Variants in ZCWPW2 observed in about 807,000 individuals in gnomAD.
ZCWPW2 encodes the protein zinc finger CW-type PWWP domain protein 2.
ZCWPW2 carries 45 observed loss-of-function variants against 46.6 expected under a neutral mutation model. The observed-to-expected ratio is 0.96, with a 90% CI of 0.76 to 1.24. The LOEUF (loss-of-function observed/expected upper bound fraction) is 1.24. Among genes scored for constraint, ZCWPW2 ranks in the 50% most tolerant of loss-of-function variants. ZCWPW2 has a pLI of 0.00. For missense variants in ZCWPW2, 429 were observed against 403.9 expected (o/e 1.06, Z -0.53); for synonymous variants, 152 against 137.1 (o/e 1.11, Z -0.76).
chr3:28,466,235 C>T lies in ZCWPW2; in HGVS notation c.493-12579C>T, dbSNP rs1256172918. ...GATAGAAAAACTACCTATTGGGTAC[C>T]GTGCTCATTGCCTGGGTGATGAAAT... On this transcript the variant is annotated intron_variant, in intron 4 of 9. Coordinates refer to ENST00000383768, the MANE Select transcript of ZCWPW2 (RefSeq NM_001040432.4). 3.9e-5 allele frequency among the ~76,000 whole-genome samples: 6 copies of T among 152,104 alleles called. No homozygotes were observed. In the East Asian group the frequency reaches 5.8e-4, roughly 15 times the overall value.
chr3:28,348,964 G>C lies in ZCWPW2; in HGVS notation c.-373G>C. On this transcript the variant is annotated 5_prime_UTR_variant, in exon 1 of 10. Transcript: ENST00000383768. ...AGCACTCCGGAAAGTGATTGGAAGTGTGGATGAGCTCTCAGCCGGAAAAGG... is the reference window on the plus strand; with the variant it reads ...AGCACTCCGGAAAGTGATTGGAAGTCTGGATGAGCTCTCAGCCGGAAAAGG... The C allele has an allele frequency of 2.0e-6, 2 of 985,722 alleles. No individual in the cohort carries two copies. The highest frequency in any genetic ancestry group is 2.4e-6 in the Non-Finnish European group (2 of 830,160). 61.1% of individuals were successfully genotyped at this position (985,722 alleles called of 1,614,324 possible). A position where few individuals can be genotyped will look rare whatever the true frequency, so the allele number is the denominator to read the frequency against.
chr3:28,469,724 G>GAC (rs1020376927), intron 4 of ZCWPW2, among the ~76,000 whole-genome samples: 1 of 150,794 alleles, frequency 6.6e-6, no homozygotes, highest in Non-Finnish European at 1.5e-5. Flanking sequence ...ATATATATAT[G>GAC]ATATATATAT....
intron 1 of ZCWPW2, among the ~76,000 whole-genome samples, chr3:28,381,497 A>T (rs1220037275): frequency 6.6e-6 from 1 of 152,108 alleles, no homozygotes; most frequent in Non-Finnish European, 1.5e-5. Flanking sequence ...GGGATGATGA[A>T]GGTGGAAGAA....
chr3:28,426,776 G>A (rs1183880160), intron 3 of ZCWPW2, among the ~76,000 whole-genome samples: 1 of 152,052 alleles, frequency 6.6e-6, no homozygotes, highest in Non-Finnish European at 1.5e-5. Flanking sequence ...CAACAGTTTA[G>A]GGAAAAGCCC....
chr3:28,401,161 G>A (rs1411443820), intron 2 of ZCWPW2, among the ~76,000 whole-genome samples: 1 of 150,356 alleles, frequency 6.7e-6, no homozygotes, highest in Non-Finnish European at 1.5e-5. Context: ...CCTGGGCGAC[G>A]AGCAAGACTC....
chr3:28,349,587 C>A (rs1704454413), intron 1 of ZCWPW2, among the ~76,000 whole-genome samples: 1 of 152,164 alleles, frequency 6.6e-6, no homozygotes. Context: ...CCCGGCTTCC[C>A]TGGAGTTGCC....
chr3:28,521,048 C>T lies in ZCWPW2; in HGVS notation c.841C>T (p.Leu281=), dbSNP rs769597667. ...GCTGGAGCAAATGCTGCAGCAAGCA[C>T]TGCAACCCACAGCCACACCTGATGA... ...KELEQMLQQA[L]QPTATPDESE... The change falls in exon 9 of 10, where the codon CTG becomes TTG. Residue 281 remains leucine (L), a synonymous_variant. Coordinates refer to ENST00000383768, the MANE Select transcript of ZCWPW2 (RefSeq NM_001040432.4). 1.6e-5 allele frequency: 26 copies of T among 1,612,600 alleles called. No individual in the cohort carries two copies. Among genetic ancestry groups the T allele is most frequent in the Non-Finnish European group, 1.9e-5 (23 of 1,179,612 alleles).
At chr3:28,454,509 C>G (rs1236990768) in intron 4 of ZCWPW2, among the ~76,000 whole-genome samples, 1 of 152,096 alleles carries the variant, frequency 6.6e-6, no homozygotes, top group Non-Finnish European at 1.5e-5. Flanking sequence ...CAGGGGTACA[C>G]GTGTAGGATG....
chr3:28,356,065 A>G (rs978380485), intron 1 of ZCWPW2, among the ~76,000 whole-genome samples: 4 of 152,222 alleles, frequency 2.6e-5, no homozygotes, highest in African/African-American at 9.6e-5. Context: ...AATGGGAGAA[A>G]CCTACAGAAT....
intron 3 of ZCWPW2, among the ~76,000 whole-genome samples, chr3:28,430,851 G>T (rs979315274): frequency 4.6e-5 from 7 of 152,128 alleles, no homozygotes; most frequent in African/African-American, 1.7e-4. Flanking sequence ...GGACATGTTT[G>T]CTACCCCTTC....
chr3:28,468,964 T>G (rs1054258973), intron 4 of ZCWPW2, among the ~76,000 whole-genome samples: 10 of 152,086 alleles, frequency 6.6e-5, no homozygotes, highest in Non-Finnish European at 1.5e-4. Context: ...TGCTCTTCAG[T>G]GGAAAGACTA....
intron 5 of ZCWPW2, among the ~76,000 whole-genome samples, chr3:28,490,225 G>A (rs762418662): frequency 6.6e-6 from 1 of 152,118 alleles, no homozygotes; most frequent in African/African-American, 2.4e-5. Context: ...TTGTGGTAGT[G>A]TAATTTAGTT....
At chr3:28,360,632 A>G (rs1251221485) in intron 1 of ZCWPW2, among the ~76,000 whole-genome samples, 5 of 152,126 alleles carry the variant, frequency 3.3e-5, no homozygotes, top group Non-Finnish European at 7.4e-5. Context: ...ATTTTAATAT[A>G]CATCCCTCAG....
chr3:28,459,241 G>A (rs574845309), intron 4 of ZCWPW2, among the ~76,000 whole-genome samples: 1 of 152,202 alleles, frequency 6.6e-6, no homozygotes, highest in East Asian at 1.9e-4. Flanking sequence ...ATGCTGGCAG[G>A]CGCCTCTAGT....
intron 2 of ZCWPW2, among the ~76,000 whole-genome samples, chr3:28,396,459 G>A (rs1695702307): frequency 6.6e-6 from 1 of 152,026 alleles, no homozygotes; most frequent in Admixed American, 6.5e-5. Context: ...TTAAAATGAA[G>A]GTTTGACTGA....
chr3:28,409,561 T>C (rs1696313376), intron 2 of ZCWPW2, among the ~76,000 whole-genome samples: 1 of 152,152 alleles, frequency 6.6e-6, no homozygotes, highest in Non-Finnish European at 1.5e-5. Flanking sequence ...GAGGTATAAA[T>C]GCAAAATAGA....
chr3:28,462,814 T>G (rs1260067330), intron 4 of ZCWPW2, among the ~76,000 whole-genome samples: 1 of 152,200 alleles, frequency 6.6e-6, no homozygotes, highest in African/African-American at 2.4e-5. Flanking sequence ...TTGAATTTTG[T>G]TACTCCACAT....
intron 2 of ZCWPW2, among the ~76,000 whole-genome samples, chr3:28,393,764 AATAG>A (rs1695586348): frequency 6.6e-6 from 1 of 152,158 alleles, no homozygotes; most frequent in Non-Finnish European, 1.5e-5. Flanking sequence ...CTCTTAACAA[AATAG>A]ATATAGAAGG....
intron 3 of ZCWPW2, among the ~76,000 whole-genome samples, chr3:28,434,646 T>C (rs1697409370): frequency 6.6e-6 from 1 of 152,212 alleles, no homozygotes; most frequent in South Asian, 2.1e-4. Flanking sequence ...GCCTGAGCTA[T>C]CAGGATTCCT....
Sources: allele counts gnomAD v4.1 joint callset (sites outside exome capture counted in the v4.1 genomes callset), GRCh38; gene constraint gnomAD v4.1.1; transcripts MANE v1.5; gene names NCBI Gene and HGNC (gene_info 2026-07-23, HGNC 2026-07-21).